Variants in FAF1 observed in about 807,000 individuals in gnomAD.
FAF1 encodes the protein FAS-associated factor 1.
A neutral mutation model predicts 92.5 loss-of-function variants in FAF1; 25 were observed. The ratio of observed to expected loss-of-function variants is 0.27; its 90% CI spans 0.20 to 0.38. The LOEUF (loss-of-function observed/expected upper bound fraction) is 0.38, where lower values mean the gene tolerates loss of function less well. Ranked by LOEUF, FAF1 falls within the 10% of genes least tolerant of loss-of-function variation. The pLI, the probability that FAF1 is intolerant of heterozygous loss-of-function variation, is 1.00. For synonymous variants in FAF1, 234 were observed against 273.2 expected (o/e 0.86, Z 1.42); for missense variants, 636 against 793.3 (o/e 0.80, Z 2.38).
intron 13 of FAF1, among the ~76,000 whole-genome samples, chr1:50,543,640 C>T (rs978702918): frequency 6.6e-6 from 1 of 152,092 alleles, no homozygotes; most frequent in Non-Finnish European, 1.5e-5. Flanking sequence ...CTTTTATCAT[C>T]ATTTCTTTTA....
Position 50,819,741 on chromosome 1 carries a change from A to ATATATATATACG in FAF1, c.115-18065_115-18064insCGTATATATATA, listed in dbSNP as rs1644021300. Among the ~76,000 whole-genome samples the ATATATATATACG allele has an allele frequency of 5.9e-4, 10 of 17,054 alleles. 1 individual carries two copies. Among genetic ancestry groups the ATATATATATACG allele is most frequent in the Non-Finnish European group, 9.8e-4 (8 of 8,186 alleles). 11.2% of individuals were successfully genotyped at this position (17,054 alleles called of 152,430 possible). ...CGTATATATATATACATATATATAC[A>ATATATATATACG]TATATATATACATATATATATACGT... On this transcript the variant is annotated intron_variant, in intron 2 of 18. Transcript: ENST00000396153.
At chr1:50,949,648 C>T (rs1349332605) in intron 1 of FAF1, among the ~76,000 whole-genome samples, 3 of 152,206 alleles carry the variant, frequency 2.0e-5, no homozygotes, top group Non-Finnish European at 4.4e-5. Context: ...TGTAAACATA[C>T]GTGCACGACT....
At chr1:50,883,008 T>C (rs1644626919) in intron 1 of FAF1, among the ~76,000 whole-genome samples, 1 of 147,762 alleles carries the variant, frequency 6.8e-6, no homozygotes, top group African/African-American at 2.5e-5. Flanking sequence ...AAAAACTAGG[T>C]TAATGCATTG....
At chr1:50,548,968 T>C (rs533578749) in intron 13 of FAF1, among the ~76,000 whole-genome samples, 1 of 152,346 alleles carries the variant, frequency 6.6e-6, no homozygotes, top group East Asian at 1.9e-4. Context: ...TAATAAATTC[T>C]ACTTGTTTTT....
At chr1:50,738,179 C>A (rs1318050241) in intron 6 of FAF1, among the ~76,000 whole-genome samples, 1 of 152,172 alleles carries the variant, frequency 6.6e-6, no homozygotes, top group Non-Finnish European at 1.5e-5. Flanking sequence ...CACAGTGGCT[C>A]ATGCCTGTAA....
At chr1:50,621,732 T>A (rs1653221552) in intron 8 of FAF1, among the ~76,000 whole-genome samples, 1 of 152,002 alleles carries the variant, frequency 6.6e-6, no homozygotes, top group Admixed American at 6.6e-5. Flanking sequence ...GGAGGTTACC[T>A]GGGGCCAGCA....
chr1:50,619,024 T>A (rs545678160), intron 8 of FAF1, among the ~76,000 whole-genome samples: 1 of 152,336 alleles, frequency 6.6e-6, no homozygotes, highest in South Asian at 2.1e-4. Context: ...CCCAAAGTGC[T>A]AGGATTACAG....
At chr1:50,527,963 T>C (rs922623397) in intron 15 of FAF1, among the ~76,000 whole-genome samples, 5 of 151,252 alleles carry the variant, frequency 3.3e-5, no homozygotes, top group African/African-American at 1.2e-4. Flanking sequence ...CTTGACCTCT[T>C]GAGCTTAAGC....
At chr1:50,939,595 T>C (rs1195598263) in intron 1 of FAF1, among the ~76,000 whole-genome samples, 2 of 151,256 alleles carry the variant, frequency 1.3e-5, no homozygotes, top group Non-Finnish European at 3.0e-5. Context: ...CATCTTCATC[T>C]TGTCCCAGTT....
At chr1:50,576,081 T>A (rs1440830745) in intron 12 of FAF1, among the ~76,000 whole-genome samples, 1 of 152,210 alleles carries the variant, frequency 6.6e-6, no homozygotes, top group Admixed American at 6.5e-5. Context: ...TAGAACTAGT[T>A]CATAATTGAA....
At chr1:50,469,878 T>C (rs977923588) in intron 18 of FAF1, among the ~76,000 whole-genome samples, 2 of 152,140 alleles carry the variant, frequency 1.3e-5, no homozygotes, top group Non-Finnish European at 2.9e-5. Context: ...CTTGATTATT[T>C]AGGGATACTG....
intron 9 of FAF1, among the ~76,000 whole-genome samples, chr1:50,593,625 C>G (rs1316216835): frequency 6.6e-6 from 1 of 152,086 alleles, no homozygotes; most frequent in African/African-American, 2.4e-5. Flanking sequence ...ATGGTTTGGT[C>G]TCTTGAAAAG....
intron 6 of FAF1, among the ~76,000 whole-genome samples, chr1:50,710,515 G>T (rs1346566110): frequency 1.3e-5 from 2 of 152,018 alleles, no homozygotes; most frequent in East Asian, 1.9e-4. Flanking sequence ...ACATGTAAAA[G>T]ACCCTATTTT....
At chr1:50,619,435 A>G (rs1653087572) in intron 8 of FAF1, among the ~76,000 whole-genome samples, 1 of 152,200 alleles carries the variant, frequency 6.6e-6, no homozygotes, top group South Asian at 2.1e-4. Flanking sequence ...TCTATTTGAA[A>G]CACATTCCCT....
intron 2 of FAF1, among the ~76,000 whole-genome samples, chr1:50,824,321 T>C (rs572219535): frequency 3.3e-5 from 5 of 152,250 alleles, no homozygotes; most frequent in African/African-American, 1.2e-4. Context: ...ATCATTCTCA[T>C]CCTCTCTCAA....
chr1:50,762,786 C>T (rs1206688966), intron 4 of FAF1, among the ~76,000 whole-genome samples: 3 of 151,922 alleles, frequency 2.0e-5, no homozygotes, highest in African/African-American at 4.8e-5. Context: ...TGGGCAAGGA[C>T]TTCATGTCTA....
intron 6 of FAF1, among the ~76,000 whole-genome samples, chr1:50,718,207 T>C (rs2124448891): frequency 6.6e-6 from 1 of 152,098 alleles, no homozygotes; most frequent in East Asian, 1.9e-4. Flanking sequence ...ATTTTTGTAT[T>C]TTTAGTAGAG....
intron 6 of FAF1, among the ~76,000 whole-genome samples, chr1:50,724,915 G>A (rs1245336589): frequency 6.6e-6 from 1 of 152,106 alleles, no homozygotes; most frequent in Non-Finnish European, 1.5e-5. Context: ...AGTAAGGCAG[G>A]TCTACTGCAT....
intron 6 of FAF1, among the ~76,000 whole-genome samples, chr1:50,722,475 G>A (rs1658450207): frequency 1.3e-5 from 2 of 151,826 alleles, no homozygotes; most frequent in South Asian, 2.1e-4. Context: ...GGTGAAACTC[G>A]GTCTCTACTA....
Sources: gnomAD v4.1 joint callset for allele counts (sites outside exome capture counted in the v4.1 genomes callset) on GRCh38, gnomAD v4.1.1 for gene constraint, MANE v1.5 for transcripts, NCBI Gene and HGNC (gene_info 2026-07-23, HGNC 2026-07-21) for gene names.